The following RBFOX1 variants were observed in gnomAD, a reference collection of about 807,000 sequenced individuals.
RBFOX1 encodes the protein RNA binding protein fox-1 homolog 1.
Under a neutral mutation model 57.7 loss-of-function variants are expected in RBFOX1, and 8 were observed. The ratio of observed to expected loss-of-function variants is 0.14; its 90% CI spans 0.08 to 0.25. The LOEUF (loss-of-function observed/expected upper bound fraction) is 0.25, where lower values mean the gene tolerates loss of function less well. Ranked by LOEUF, RBFOX1 falls within the 10% of genes least tolerant of loss-of-function variation. RBFOX1 has a pLI of 1.00. For synonymous variants in RBFOX1, 326 were observed against 222.4 expected, an observed-to-expected ratio of 1.47 and a Z score of -4.15; for missense variants, 611 against 548.5, an observed-to-expected ratio of 1.11 and a Z score of -1.14.
chr16:6,309,615 C>T (rs546339169), intron 1 of RBFOX1, among the ~76,000 whole-genome samples: 1 of 151,416 alleles, frequency 6.6e-6, no homozygotes, highest in Non-Finnish European at 1.5e-5. Flanking sequence ...CCTGTAAGGC[C>T]AAGACAGGAA....
intron 4 of RBFOX1, among the ~76,000 whole-genome samples, chr16:7,443,640 G>A (rs999495673): frequency 6.6e-6 from 1 of 152,108 alleles, no homozygotes; most frequent in Non-Finnish European, 1.5e-5. Context: ...AAAAAGTGCA[G>A]CGTATTTCTA....
chr16:6,118,549 T>C (rs1313615299), intron 1 of RBFOX1, among the ~76,000 whole-genome samples: 2 of 151,678 alleles, frequency 1.3e-5, no homozygotes, highest in African/African-American at 4.8e-5. Context: ...GCCTCCTCCT[T>C]GTTCTCTTCC....
intron 2 of RBFOX1, among the ~76,000 whole-genome samples, chr16:6,550,489 C>T (rs2096970168): frequency 6.6e-6 from 1 of 152,136 alleles, no homozygotes; most frequent in South Asian, 2.1e-4. Context: ...CCATGCCCAC[C>T]TAATTTTCGT....
intron 2 of RBFOX1, among the ~76,000 whole-genome samples, chr16:5,484,771 G>C (rs2069667293): frequency 6.6e-6 from 1 of 151,938 alleles, no homozygotes; most frequent in Admixed American, 6.6e-5. Flanking sequence ...AATTAGCCAG[G>C]CGTGGTGGCG....
intron 4 of RBFOX1, among the ~76,000 whole-genome samples, chr16:7,083,592 T>G (rs1165213210): frequency 6.6e-6 from 1 of 152,178 alleles, no homozygotes; most frequent in Non-Finnish European, 1.5e-5. Context: ...GAGAACTCAG[T>G]CTGCTAACTC....
intron 4 of RBFOX1, among the ~76,000 whole-genome samples, chr16:7,320,213 C>G (rs1299412128): frequency 6.6e-6 from 1 of 152,108 alleles, no homozygotes; most frequent in Non-Finnish European, 1.5e-5. Flanking sequence ...AGCTATTTAT[C>G]CTGATGCTCT....
At chr16:6,852,892 T>A (rs1482451144) in intron 3 of RBFOX1, among the ~76,000 whole-genome samples, 1 of 152,130 alleles carries the variant, frequency 6.6e-6, no homozygotes, top group Non-Finnish European at 1.5e-5. Flanking sequence ...GAACTAGCTG[T>A]CCACACAAGG....
chr16:6,266,029 C>T (rs907118940), intron 1 of RBFOX1, among the ~76,000 whole-genome samples: 2 of 152,286 alleles, frequency 1.3e-5, no homozygotes, highest in African/African-American at 4.8e-5. Context: ...AGGATTTTTA[C>T]ATCCCCATCA....
intron 1 of RBFOX1, among the ~76,000 whole-genome samples, chr16:6,215,423 G>C (rs2097329763): frequency 6.8e-6 from 1 of 146,256 alleles, no homozygotes; most frequent in East Asian, 2.0e-4. Context: ...AGGAGGAGAG[G>C]GAGAGGGACA....
At chr16:7,693,284 G>T in intron 14 of RBFOX1, 1 of 1,604,066 alleles carries the variant, frequency 6.2e-7, no homozygotes, top group Non-Finnish European at 8.5e-7. Context: ...CCCTGAGCGA[G>T]CAGTATTGTG....
chr16:6,808,086 C>T (rs942143495), intron 3 of RBFOX1, among the ~76,000 whole-genome samples: 18 of 148,198 alleles, frequency 1.2e-4, no homozygotes, highest in Admixed American at 1.2e-3. Flanking sequence ...TAATCATACT[C>T]AATAGAACTA....
intron 1 of RBFOX1, among the ~76,000 whole-genome samples, chr16:6,024,356 G>C (rs1010242727): frequency 1.3e-5 from 2 of 152,132 alleles, no homozygotes; most frequent in African/African-American, 2.4e-5. Flanking sequence ...AATGAAAAGG[G>C]TTCCAAAAAT....
chr16:7,580,410 G>A (rs1020037994), intron 6 of RBFOX1, among the ~76,000 whole-genome samples: 5 of 152,164 alleles, frequency 3.3e-5, no homozygotes, highest in African/African-American at 1.2e-4. Flanking sequence ...AACTACTTCT[G>A]CATAAAGCTG....
chr16:7,535,694 A>G (rs993811590), intron 5 of RBFOX1, among the ~76,000 whole-genome samples: 2 of 152,224 alleles, frequency 1.3e-5, no homozygotes, highest in Non-Finnish European at 2.9e-5. Flanking sequence ...GCATCCCAAA[A>G]TACTTACTGA....
intron 1 of RBFOX1, among the ~76,000 whole-genome samples, chr16:6,266,679 A>C (rs950602785): frequency 6.6e-6 from 1 of 151,224 alleles, no homozygotes; most frequent in African/African-American, 2.4e-5. Context: ...GCGCCATTGC[A>C]CTCCAGCCTG....
chr16:5,409,396 TG>T (rs1230345964), intron 1 of RBFOX1, among the ~76,000 whole-genome samples: 11 of 152,224 alleles, frequency 7.2e-5, no homozygotes, highest in African/African-American at 2.2e-4. Context: ...CTTTCTAATT[TG>T]TTTCTTAATA....
At chr16:5,684,627 C>T (rs974180247) in intron 3 of RBFOX1, among the ~76,000 whole-genome samples, 4 of 152,124 alleles carry the variant, frequency 2.6e-5, no homozygotes, top group African/African-American at 4.8e-5. Flanking sequence ...CTTCTTGATG[C>T]GTTTTAAATG....
intron 4 of RBFOX1, among the ~76,000 whole-genome samples, chr16:7,416,955 A>C (rs2098483888): frequency 6.6e-6 from 1 of 152,186 alleles, no homozygotes; most frequent in African/African-American, 2.4e-5. Flanking sequence ...AATGTGTCCA[A>C]GAACTCATAG....
At chr16:7,010,917 G>C (rs1242150575) in intron 3 of RBFOX1, among the ~76,000 whole-genome samples, 3 of 152,298 alleles carry the variant, frequency 2.0e-5, no homozygotes, top group East Asian at 3.9e-4. Flanking sequence ...TGCTGATAAA[G>C]TTCTCCCACC....
Sources: allele counts gnomAD v4.1 joint callset (sites outside exome capture counted in the v4.1 genomes callset), GRCh38; gene constraint gnomAD v4.1.1; transcripts MANE v1.5; gene names NCBI Gene and HGNC (gene_info 2026-07-23, HGNC 2026-07-21).